Variants in ARID3B observed in about 807,000 individuals in gnomAD.
ARID3B encodes AT-rich interactive domain-containing protein 3B.
Under a neutral mutation model 51.9 loss-of-function variants are expected in ARID3B, and 10 were observed. The observed-to-expected ratio is 0.19, with a 90% confidence interval of 0.12 to 0.33. The LOEUF (loss-of-function observed/expected upper bound fraction) is 0.33, where lower values mean the gene tolerates loss of function less well. Among genes scored for constraint, ARID3B ranks in the 10% least tolerant of loss-of-function variants. The pLI is 1.00. For synonymous variants in ARID3B, 205 were observed against 279.5 expected (o/e 0.73, Z 2.66); for missense variants, 483 against 716.3 (o/e 0.67, Z 3.72).
chr15:74,571,113 T>C (rs1057467087), intron 2 of ARID3B, among the ~76,000 whole-genome samples: 2 of 152,196 alleles, frequency 1.3e-5, no homozygotes, highest in Non-Finnish European at 2.9e-5. Flanking sequence ...TATACTTATG[T>C]CACTGTGTGC....
In ARID3B at chr15:74,550,871, A is replaced by G. The variant is rs575943220; in HGVS notation, c.552+6383A>G. ...CAGGAAGTGATTTTAAGGATATTAC[A>G]AAGGTAGAAGAAAAATATGAGTGTG... On this transcript the variant is annotated intron_variant, in intron 2 of 8. Coordinates refer to ENST00000346246, the MANE Select transcript of ARID3B (RefSeq NM_006465.4). 1.6e-4 allele frequency among the ~76,000 whole-genome samples: 24 copies of G among 152,310 alleles called. 1 individual carries two copies. The South Asian group carries it at 5.0e-3, about 32-fold the overall frequency.
At chr15:74,583,409 AGGG>A (rs1292096679) in intron 4 of ARID3B, among the ~76,000 whole-genome samples, 2 of 152,064 alleles carry the variant, frequency 1.3e-5, no homozygotes, top group East Asian at 3.9e-4. Context: ...AGAGTTTTCT[AGGG>A]GTGCTGTAAA....
At chr15:74,546,386 C>T (rs560411884) in intron 2 of ARID3B, among the ~76,000 whole-genome samples, 1 of 152,334 alleles carries the variant, frequency 6.6e-6, no homozygotes, top group Non-Finnish European at 1.5e-5. Flanking sequence ...AGCTGGCCAG[C>T]GTCTGCGTGT....
chr15:74,572,160 G>A (rs1056105004), intron 2 of ARID3B, among the ~76,000 whole-genome samples: 2 of 152,074 alleles, frequency 1.3e-5, no homozygotes, highest in Admixed American at 1.3e-4. Context: ...TAGGAAGCAA[G>A]TTTAAAGAAT....
At chr15:74,564,548 G>A (rs1694542412) in intron 2 of ARID3B, among the ~76,000 whole-genome samples, 1 of 152,214 alleles carries the variant, frequency 6.6e-6, no homozygotes, top group Admixed American at 6.6e-5. Context: ...TTTTGGAGCA[G>A]TTAGTTGCCA....
chr15:74,565,142 T>A (rs1421586841), intron 2 of ARID3B, among the ~76,000 whole-genome samples: 1 of 152,092 alleles, frequency 6.6e-6, no homozygotes, highest in African/African-American at 2.4e-5. Context: ...CCTCCCAGGC[T>A]CAAGCGCTCC....
At chr15:74,547,972 G>A (rs765218120) in intron 2 of ARID3B, among the ~76,000 whole-genome samples, 3 of 152,118 alleles carry the variant, frequency 2.0e-5, no homozygotes, top group Admixed American at 6.5e-5. Flanking sequence ...AAATTATTTC[G>A]TGGATTCTCT....
chr15:74,583,646 G>A (rs1292859545), intron 4 of ARID3B, among the ~76,000 whole-genome samples: 6 of 152,040 alleles, frequency 3.9e-5, no homozygotes, highest in African/African-American at 1.2e-4. Flanking sequence ...GAACCTGGGA[G>A]GTGGAGTTTG....
intron 2 of ARID3B, among the ~76,000 whole-genome samples, chr15:74,567,496 T>G (rs1309022537): frequency 6.6e-6 from 1 of 152,118 alleles, no homozygotes; most frequent in Non-Finnish European, 1.5e-5. Context: ...TGGGGTAGGT[T>G]CTCAGGAAAT....
At chr15:74,568,237 A>G (rs1332423462) in intron 2 of ARID3B, among the ~76,000 whole-genome samples, 2 of 152,222 alleles carry the variant, frequency 1.3e-5, no homozygotes, top group Admixed American at 6.5e-5. Flanking sequence ...AGAGTCTCCC[A>G]TTGATAGGAG....
chr15:74,573,020 A>G, intron 3 of ARID3B, 87 bp downstream of exon 3: 2 of 1,585,534 alleles, frequency 1.3e-6, no homozygotes. Flanking sequence ...GGACCAAGGT[A>G]GCCAGTGAGT....
chr15:74,590,915 T>C (rs1408128486), intron 5 of ARID3B, among the ~76,000 whole-genome samples: 1 of 152,230 alleles, frequency 6.6e-6, no homozygotes, highest in African/African-American at 2.4e-5. Context: ...TGTTATTTAT[T>C]TCCCCTAATG....
chr15:74,577,097 T>C (rs8041357), intron 4 of ARID3B, among the ~76,000 whole-genome samples: 10,739 of 152,220 alleles, frequency 0.071, 903 homozygotes, highest in Admixed American at 0.26. Flanking sequence ...GGCAGGAAGA[T>C]AGTGTAGAGG....
chr15:74,551,501 A>G (rs527645875), intron 2 of ARID3B, among the ~76,000 whole-genome samples: 1 of 152,254 alleles, frequency 6.6e-6, no homozygotes, highest in East Asian at 1.9e-4. Flanking sequence ...ATTTCTCTAC[A>G]TGTGTCCCAG....
intron 2 of ARID3B, among the ~76,000 whole-genome samples, chr15:74,569,364 T>A (rs557388414): frequency 2.2e-4 from 34 of 151,532 alleles, no homozygotes; most frequent in African/African-American, 5.6e-4. Flanking sequence ...TATTATTATT[T>A]TTGGTAGAGA....
chr15:74,591,715 C>A lies in ARID3B; in HGVS notation c.1321C>A (p.Leu441Met). Residue 441 changes from leucine to methionine, a missense_variant, in exon 7 of 9, where the codon CTG (leucine) becomes ATG (methionine). Leu to Met is a conservative substitution (Grantham distance 15). This residue lies in a region of ARID3B where 265 missense variants were observed against 354.4 expected (regional missense o/e 0.75). Transcript: ENST00000346246. This position sits in a 1 kb window ranked among gnomAD's most constrained non-coding sequence, Gnocchi z 5.8. ...GEPAEKKASR[L>M]SEEEQRLVQQ... is the part of the protein sequence containing the mutation. Reference sequence around the variant, plus strand: ...GCCTGCTGAGAAGAAGGCATCGAGGCTGTCTGAGGAGGAGCAGCGCCTGGT... The same window carrying A: ...GCCTGCTGAGAAGAAGGCATCGAGGATGTCTGAGGAGGAGCAGCGCCTGGT... 4 of 1,614,086 alleles carry A rather than the reference C, an allele frequency of 2.5e-6. No homozygotes were observed. The highest frequency in any genetic ancestry group is 3.4e-6 in the Non-Finnish European group (4 of 1,180,020).
intron 4 of ARID3B, among the ~76,000 whole-genome samples, chr15:74,576,412 G>T (rs974965277): frequency 3.3e-5 from 5 of 152,130 alleles, no homozygotes; most frequent in Non-Finnish European, 5.9e-5. Context: ...GGTGGCTCAC[G>T]CCTGTAATCC....
intron 2 of ARID3B, among the ~76,000 whole-genome samples, chr15:74,545,132 T>C (rs762071165): frequency 1.2e-4 from 19 of 152,374 alleles, no homozygotes; most frequent in Middle Eastern, 6.8e-3. Flanking sequence ...ACAGCTTTTC[T>C]AATAATAATG....
chr15:74,543,952 C>G lies in ARID3B; in HGVS notation c.16C>G (p.Gln6Glu), dbSNP rs756777862. 6.2e-7 allele frequency: 1 copy of G among 1,607,682 alleles called. No homozygotes were observed. Among genetic ancestry groups the G allele is most frequent in the Admixed American group, 1.7e-5 (1 of 59,226 alleles). The part of the protein sequence containing the change: MEPLQ[Q>E]QQQQQQQQQK... ...TGAGGCAAAAATGGAGCCACTTCAG[C>G]AGCAGCAGCAGCAGCAGCAGCAACA... Residue 6 changes from glutamine (Q) to glutamate (E), a missense_variant, in exon 2 of 9, where the codon CAG becomes GAG. Physicochemically the swap from Gln to Glu is conservative, Grantham distance 29. Transcript: ENST00000346246.
Sources: gnomAD v4.1 joint callset for allele counts (sites outside exome capture counted in the v4.1 genomes callset) on GRCh38, gnomAD v4.1.1 for gene constraint, gnomAD v4.1.1 regional missense constraint, Gnocchi (gnomAD v3.1) non-coding constraint, MANE v1.5 for transcripts, NCBI Gene and HGNC (gene_info 2026-07-23, HGNC 2026-07-21) for gene names.